TBXAS1: variants seen among roughly 807,000 people sequenced by gnomAD.
TBXAS1 encodes the protein thromboxane-A synthase.
In TBXAS1, 48 loss-of-function variants were observed where a neutral mutation model predicts 60.7. The observed-to-expected ratio is 0.79, with a 90% CI of 0.63 to 1.01. The LOEUF is 1.01. Among genes scored for constraint, TBXAS1 ranks in the 50% least tolerant of loss-of-function variants. The pLI is 0.00. For missense variants in TBXAS1, 685 were observed against 686.3 expected (o/e 1.00, Z 0.02); for synonymous variants, 287 against 269.7 (o/e 1.06, Z -0.63).
rs1193990437 is a variant in TBXAS1, at chr7:139,975,923, G to C, written c.1134+13690G>C. ...TTCCTGAAACAGAGACGTCACCCAG[G>C]GTTGCTTTCTGCCACAGCAGGCACT... On this transcript the variant is annotated intron_variant, in intron 9 of 12. Coordinates refer to ENST00000448866, the MANE Select transcript of TBXAS1 (RefSeq NM_001061.7). The surrounding 1 kb of genome is among the most constrained non-coding windows in gnomAD (Gnocchi z 4.4). 1.3e-5 allele frequency among the ~76,000 whole-genome samples: 2 copies of C among 152,152 alleles called. No homozygotes were observed. Among genetic ancestry groups the C allele is most frequent in the African/African-American group, 2.4e-5 (1 of 41,422 alleles).
chr7:139,913,182 GT>G, intron 4 of TBXAS1: 1 of 701,790 alleles, frequency 1.4e-6, no homozygotes, highest in African/African-American at 1.7e-5. Flanking sequence ...AATTGCAGAA[GT>G]TTAACTGCTT....
At chr7:139,802,939 G>A (rs1346506541) in intron 4 of TBXAS1, among the ~76,000 whole-genome samples, 1 of 152,202 alleles carries the variant, frequency 6.6e-6, no homozygotes, top group Non-Finnish European at 1.5e-5. Flanking sequence ...CAGCCATGTG[G>A]AACTGTGAGT....
At chr7:139,853,726 G>T (rs966912342) in intron 1 of TBXAS1, among the ~76,000 whole-genome samples, 2 of 152,192 alleles carry the variant, frequency 1.3e-5, no homozygotes, top group African/African-American at 4.8e-5. Flanking sequence ...AGTCTCAGGG[G>T]TTCTTTAAGG....
chr7:139,827,278 C>G (rs1407621211), upstream of TBXAS1, among the ~76,000 whole-genome samples: 1 of 152,154 alleles, frequency 6.6e-6, no homozygotes, highest in African/African-American at 2.4e-5. Flanking sequence ...CCCATAGCTA[C>G]CCCTGCTGGC....
At chr7:139,837,110 C>T (rs1348932332) in intron 1 of TBXAS1, among the ~76,000 whole-genome samples, 1 of 152,128 alleles carries the variant, frequency 6.6e-6, no homozygotes. Flanking sequence ...CAATGCAATA[C>T]CACATTACTT....
chr7:139,983,743 T>C (rs990671569), intron 9 of TBXAS1, among the ~76,000 whole-genome samples: 1 of 152,196 alleles, frequency 6.6e-6, no homozygotes, highest in Admixed American at 6.5e-5. Context: ...TTTTTTTTTC[T>C]AGTTGTCATA....
At chr7:139,905,394 TTC>T in intron 3 of TBXAS1, among the ~76,000 whole-genome samples, 1 of 152,204 alleles carries the variant, frequency 6.6e-6, no homozygotes, top group Non-Finnish European at 1.5e-5. Context: ...TTGTTTTTAA[TTC>T]TGTTTATGTG....
intron 5 of TBXAS1, among the ~76,000 whole-genome samples, chr7:139,939,575 G>T (rs942665822): frequency 1.3e-5 from 2 of 151,854 alleles, no homozygotes; most frequent in African/African-American, 2.4e-5. Flanking sequence ...CCACCTCTGG[G>T]GATTTTAGAC....
intron 5 of TBXAS1, among the ~76,000 whole-genome samples, chr7:139,946,736 A>G (rs921442473): frequency 1.3e-5 from 2 of 152,156 alleles, no homozygotes; most frequent in African/African-American, 4.8e-5. Flanking sequence ...AGTGTTTTGC[A>G]TATTTTGTTT....
intron 4 of TBXAS1, chr7:139,913,107 A>G: frequency 1.4e-6 from 1 of 702,858 alleles, no homozygotes; most frequent in East Asian, 2.7e-5. Flanking sequence ...CGTGGCCTCT[A>G]GAGGGATGTG....
intron 9 of TBXAS1, among the ~76,000 whole-genome samples, chr7:139,973,405 G>A (rs1811349611): frequency 6.6e-6 from 1 of 152,178 alleles, no homozygotes; most frequent in Non-Finnish European, 1.5e-5. Flanking sequence ...AGAGCCGAGA[G>A]AGGAAGGAAA....
At chr7:139,820,243 G>A (rs531169507) in intron 4 of TBXAS1, among the ~76,000 whole-genome samples, 105 of 152,176 alleles carry the variant, frequency 6.9e-4, no homozygotes, top group South Asian at 6.2e-3. Context: ...ACATGTAGCC[G>A]CATCCAGCCA....
chr7:139,868,825 T>C (rs573958611), intron 1 of TBXAS1, among the ~76,000 whole-genome samples: 2 of 151,870 alleles, frequency 1.3e-5, no homozygotes, highest in Non-Finnish European at 2.9e-5. Flanking sequence ...TTTTGTATTT[T>C]TTTTTTTAGT....
intron 4 of TBXAS1, among the ~76,000 whole-genome samples, chr7:139,816,860 G>A (rs929307332): frequency 3.9e-5 from 6 of 152,118 alleles, no homozygotes; most frequent in African/African-American, 1.4e-4. Context: ...TTGGAACCCT[G>A]GAGGCTTCCT....
At chr7:139,803,112 T>C (rs1429050545) in intron 4 of TBXAS1, among the ~76,000 whole-genome samples, 1 of 151,846 alleles carries the variant, frequency 6.6e-6, no homozygotes, top group African/African-American at 2.4e-5. Context: ...CAGACAGAGG[T>C]TGGAACAGTT....
At chr7:139,823,671 T>C (rs1458883351) in intron 4 of TBXAS1, among the ~76,000 whole-genome samples, 1 of 152,082 alleles carries the variant, frequency 6.6e-6, no homozygotes, top group African/African-American at 2.4e-5. Context: ...TAAACCAAGA[T>C]GTGATCTTAG....
At chr7:139,950,247 G>T (rs1224887074) in intron 5 of TBXAS1, among the ~76,000 whole-genome samples, 1 of 151,884 alleles carries the variant, frequency 6.6e-6, no homozygotes. Flanking sequence ...GGCCCGCCAG[G>T]CTGGTTTTGA....
chr7:139,809,521 G>A (rs1797976710), intron 4 of TBXAS1, among the ~76,000 whole-genome samples: 1 of 152,132 alleles, frequency 6.6e-6, no homozygotes, highest in Non-Finnish European at 1.5e-5. Flanking sequence ...TCTACAAGCT[G>A]GAGACTCAGT....
chr7:139,980,598 G>A lies in TBXAS1; in HGVS notation c.1134+18365G>A, dbSNP rs143712300. Among the ~76,000 whole-genome samples the A allele has an allele frequency of 3.2e-4, 49 of 151,630 alleles. No homozygotes were observed. The Middle Eastern group carries it at 0.017, about 53-fold the overall frequency. ...TAGGAGTCGGCAACCTTAAGGAGGAGTTTCCTATCATCTCTCCTCCACTTC... is the reference window on the plus strand; with the variant it reads ...TAGGAGTCGGCAACCTTAAGGAGGAATTTCCTATCATCTCTCCTCCACTTC... On this transcript the variant is annotated intron_variant, in intron 9 of 12. Coordinates refer to ENST00000448866, the MANE Select transcript of TBXAS1 (RefSeq NM_001061.7).
Sources: allele counts gnomAD v4.1 joint callset (sites outside exome capture counted in the v4.1 genomes callset), GRCh38; gene constraint gnomAD v4.1.1; non-coding constraint Gnocchi (gnomAD v3.1); transcripts MANE v1.5; gene names NCBI Gene and HGNC (gene_info 2026-07-23, HGNC 2026-07-21).